MRTFA: variants seen among roughly 807,000 people sequenced by gnomAD.
MRTFA encodes myocardin related transcription factor A, also known as myocardin-related transcription factor A.
In MRTFA, 20 loss-of-function variants were observed where a neutral mutation model predicts 83.5. The observed-to-expected ratio is 0.24, with a 90% CI of 0.17 to 0.35. The LOEUF (loss-of-function observed/expected upper bound fraction) is 0.35. Ranked by LOEUF, MRTFA falls within the 10% of genes least tolerant of loss-of-function variation. The pLI, the probability that MRTFA is intolerant of heterozygous loss-of-function variation, is 1.00. For synonymous variants in MRTFA, 659 were observed against 541.2 expected, an observed-to-expected ratio of 1.22 and a Z score of -3.02; for missense variants, 1,200 against 1,224.7, an observed-to-expected ratio of 0.98 and a Z score of 0.30.
chr22:40,523,893 G>A (rs1366145742), intron 3 of MRTFA, among the ~76,000 whole-genome samples: 3 of 151,978 alleles, frequency 2.0e-5, no homozygotes, highest in African/African-American at 2.4e-5. Flanking sequence ...TAATCTTATC[G>A]ATTCCCAAGA....
intron 2 of MRTFA, among the ~76,000 whole-genome samples, chr22:40,563,375 T>G (rs899744711): frequency 1.6e-4 from 24 of 152,126 alleles, no homozygotes; most frequent in Middle Eastern, 3.4e-3. Context: ...ATTCTACTGG[T>G]TTTTTTGTCT....
rs1341510712 is a variant in MRTFA at position 40,410,778 on chromosome 22, C to CT, written c.*611_*612insA. On this transcript the variant is annotated 3_prime_UTR_variant, in exon 15 of 15. Transcript: ENST00000355630. ...GGGAGTTGCACCCATCTCCTGTCCG[C>CT]CCCCCCCCAAAAATATATATGTATG... The CT allele has an allele frequency of 4.6e-6, 1 of 215,264 alleles. No homozygotes were observed. The highest frequency in any genetic ancestry group is 3.0e-5 in the African/African-American group (1 of 33,338). 13.3% of individuals were successfully genotyped at this position (215,264 alleles called of 1,614,324 possible).
chr22:40,623,794 C>T (rs1420675789), intron 1 of MRTFA, among the ~76,000 whole-genome samples: 2 of 152,178 alleles, frequency 1.3e-5, no homozygotes, highest in Non-Finnish European at 2.9e-5. Context: ...ATTTACCTCT[C>T]ACAACTATCT....
At chr22:40,566,502 G>A (rs2055706050) in intron 2 of MRTFA, among the ~76,000 whole-genome samples, 1 of 151,948 alleles carries the variant, frequency 6.6e-6, no homozygotes, top group African/African-American at 2.4e-5. Context: ...TTACAGGCGT[G>A]AGCCACCACG....
chr22:40,490,718 T>C (rs1214711476), intron 3 of MRTFA, among the ~76,000 whole-genome samples: 1 of 152,144 alleles, frequency 6.6e-6, no homozygotes, highest in South Asian at 2.1e-4. Context: ...CAGGCTCAAA[T>C]CATCCTGTTA....
chr22:40,548,358 CAAA>C (rs10664022), intron 3 of MRTFA, among the ~76,000 whole-genome samples: 7 of 66,148 alleles, frequency 1.1e-4, no homozygotes, highest in Admixed American at 2.2e-4. Context: ...GACTCCGTCT[CAAA>C]AAAAAAAAAA....
chr22:40,432,066 T>G (rs1448591853), intron 5 of MRTFA, among the ~76,000 whole-genome samples: 1 of 152,058 alleles, frequency 6.6e-6, no homozygotes, highest in Non-Finnish European at 1.5e-5. Flanking sequence ...GCCAATGTGG[T>G]GAAACCCTGT....
chr22:40,416,463 T>C lies in MRTFA; in HGVS notation c.2578+523A>G, dbSNP rs545067821. 6.6e-6 allele frequency among the ~76,000 whole-genome samples: 1 copy of C among 152,240 alleles called. No homozygotes were observed. The highest frequency in any genetic ancestry group is 2.4e-5 in the African/African-American group (1 of 41,468). On this transcript the variant is annotated intron_variant, in intron 14 of 14. Coordinates refer to ENST00000355630, the MANE Select transcript of MRTFA (RefSeq NM_020831.6). The surrounding 1 kb of genome is among the most constrained non-coding windows in gnomAD (Gnocchi z 4.2). ...CAATGGAGCCAAAGCCACCCTGCCC[T>C]GGTGCCCAGGAGGCCACGCATGATC...
At chr22:40,555,060 C>CA (rs1294540711) in intron 2 of MRTFA, among the ~76,000 whole-genome samples, 1 of 152,228 alleles carries the variant, frequency 6.6e-6, no homozygotes, top group Non-Finnish European at 1.5e-5. Flanking sequence ...CCTGTATCCC[C>CA]ATTGTATCTT....
chr22:40,571,285 C>T (rs1285114576), intron 2 of MRTFA, among the ~76,000 whole-genome samples: 4 of 151,958 alleles, frequency 2.6e-5, no homozygotes, highest in South Asian at 4.2e-4. Context: ...AATGGATCAA[C>T]GATCTAAATG....
intron 3 of MRTFA, among the ~76,000 whole-genome samples, chr22:40,545,376 T>C (rs1602411485): frequency 6.6e-6 from 1 of 152,070 alleles, no homozygotes; most frequent in Non-Finnish European, 1.5e-5. Context: ...GAAATGAAGG[T>C]GTCGGGACCT....
intron 4 of MRTFA, among the ~76,000 whole-genome samples, chr22:40,461,134 G>A (rs1217748130): frequency 6.7e-6 from 1 of 148,742 alleles, no homozygotes; most frequent in East Asian, 2.0e-4. Context: ...AAGCCAGAGA[G>A]GTGGACGCTG....
chr22:40,473,428 G>A (rs2053946736), intron 3 of MRTFA, among the ~76,000 whole-genome samples: 1 of 152,048 alleles, frequency 6.6e-6, no homozygotes, highest in Non-Finnish European at 1.5e-5. Context: ...CAAAGTGCTG[G>A]GATTACAGGT....
At chr22:40,618,943 A>G (rs2056487147) in intron 1 of MRTFA, among the ~76,000 whole-genome samples, 2 of 152,028 alleles carry the variant, frequency 1.3e-5, no homozygotes, top group African/African-American at 2.4e-5. Context: ...CCTGGGTGAC[A>G]CAGCAAGACT....
chr22:40,416,924 G>C lies in MRTFA; in HGVS notation c.2578+62C>G. On this transcript the variant is annotated intron_variant, in intron 14 of 14. Transcript: ENST00000355630. This position sits in a 1 kb window ranked among gnomAD's most constrained non-coding sequence, Gnocchi z 4.2. The stretch of plus-strand genomic sequence containing the variant: ...CATTCAATAAAAACAAACCAACCCA[G>C]GGCTAGAGACACCTATGAACAGAGA... 2.7e-6 allele frequency: 4 copies of C among 1,488,792 alleles called. No homozygotes were observed. Among genetic ancestry groups the C allele is most frequent in the Non-Finnish European group, 3.7e-6 (4 of 1,092,262 alleles). 92.2% of individuals were successfully genotyped at this position (1,488,792 alleles called of 1,614,324 possible). A position where few individuals can be genotyped will look rare whatever the true frequency, so the allele number is the denominator to read the frequency against.
chr22:40,480,976 A>T (rs186081399), intron 3 of MRTFA, among the ~76,000 whole-genome samples: 28 of 152,048 alleles, frequency 1.8e-4, no homozygotes, highest in Non-Finnish European at 2.6e-4. Context: ...ATAATTTTTT[A>T]AAAAAATTAG....
chr22:40,499,805 T>TA (rs2054425033), intron 3 of MRTFA, among the ~76,000 whole-genome samples: 2 of 151,922 alleles, frequency 1.3e-5, no homozygotes, highest in African/African-American at 4.8e-5. Flanking sequence ...TGATTTTACT[T>TA]CAACTTTCAC....
intron 1 of MRTFA, among the ~76,000 whole-genome samples, chr22:40,607,417 T>C (rs2056331024): frequency 6.7e-6 from 1 of 149,844 alleles, no homozygotes; most frequent in Non-Finnish European, 1.5e-5. Flanking sequence ...GGCAGGAGAA[T>C]GGCGTGAGCC....
intron 4 of MRTFA, among the ~76,000 whole-genome samples, chr22:40,451,573 G>A (rs558506294): frequency 1.6e-4 from 25 of 152,244 alleles, no homozygotes; most frequent in Admixed American, 8.5e-4. Context: ...CTGTTCCAGC[G>A]TCTCCTGCTC....
Sources: allele counts gnomAD v4.1 joint callset (sites outside exome capture counted in the v4.1 genomes callset), GRCh38; gene constraint gnomAD v4.1.1; non-coding constraint Gnocchi (gnomAD v3.1); transcripts MANE v1.5; gene names NCBI Gene and HGNC (gene_info 2026-07-23, HGNC 2026-07-21).